The following STAMBPL1 variants were observed in gnomAD, a reference collection of about 807,000 sequenced individuals.
STAMBPL1 encodes AMSH-like protease.
Under a neutral mutation model 52.9 loss-of-function variants are expected in STAMBPL1, and 44 were observed. That is an observed-to-expected ratio of 0.83 (90% CI 0.65 to 1.07). The LOEUF (loss-of-function observed/expected upper bound fraction) is 1.07, where lower values mean the gene tolerates loss of function less well. Among genes scored for constraint, STAMBPL1 ranks in the 50% least tolerant of loss-of-function variants. STAMBPL1 has a pLI of 0.00. For synonymous variants in STAMBPL1, 164 were observed against 177.3 expected (o/e 0.92, Z 0.60); for missense variants, 511 against 520.8 (o/e 0.98, Z 0.18).
At chr10:88,911,113 A>G (rs978077891) in intron 5 of STAMBPL1, 102 bp downstream of exon 5, 1 of 754,514 alleles carries the variant, frequency 1.3e-6, no homozygotes, top group African/African-American at 1.9e-5. Flanking sequence ...TGTGCATTTA[A>G]ATTAAAAATT....
chr10:88,883,031 C>A (rs1844446540), intron 1 of STAMBPL1, among the ~76,000 whole-genome samples: 1 of 134,716 alleles, frequency 7.4e-6, no homozygotes, highest in Admixed American at 8.0e-5. Flanking sequence ...CACGACAGGC[C>A]CGAGTGTGTG....
At chr10:88,884,969 T>C (rs905072423) in intron 1 of STAMBPL1, among the ~76,000 whole-genome samples, 3 of 152,222 alleles carry the variant, frequency 2.0e-5, no homozygotes, top group African/African-American at 7.2e-5. Context: ...TAGCTGTAAA[T>C]GCAAAGTGGT....
intron 8 of STAMBPL1, 54 bp downstream of exon 8, chr10:88,916,871 C>T (rs1845385323): frequency 2.8e-6 from 4 of 1,407,330 alleles, no homozygotes; most frequent in Non-Finnish European, 3.7e-6. Context: ...ATGCTATTTT[C>T]CTCCTTGAAG....
At chr10:88,909,363 A>G (rs1845158254) in intron 4 of STAMBPL1, among the ~76,000 whole-genome samples, 1 of 152,168 alleles carries the variant, frequency 6.6e-6, no homozygotes, top group South Asian at 2.1e-4. Context: ...AGCTGTGAAT[A>G]TATTCTTTTA....
At chr10:88,910,603 C>A (rs891065531) in intron 4 of STAMBPL1, among the ~76,000 whole-genome samples, 1 of 152,230 alleles carries the variant, frequency 6.6e-6, no homozygotes, top group East Asian at 1.9e-4. Context: ...AAACTCACTG[C>A]CTAAAAATGG....
intron 1 of STAMBPL1, among the ~76,000 whole-genome samples, chr10:88,898,668 C>T (rs938867374): frequency 1.1e-4 from 17 of 152,102 alleles, no homozygotes; most frequent in Non-Finnish European, 1.6e-4. Context: ...ATTTAATAAA[C>T]TCTGATGTTT....
intron 1 of STAMBPL1, 55 bp from the exon 2 acceptor site, chr10:88,901,591 GGTTTGGGATT>G (rs1844944313): frequency 2.1e-6 from 2 of 931,850 alleles, no homozygotes; most frequent in Non-Finnish European, 3.3e-6. Flanking sequence ...ATAACCCTGG[GGTTTGGGATT>G]TCAAACTTGG....
chr10:88,884,290 A>T (rs1167511238), intron 1 of STAMBPL1, among the ~76,000 whole-genome samples: 8 of 152,236 alleles, frequency 5.3e-5, no homozygotes, highest in Non-Finnish European at 1.5e-5. Flanking sequence ...TTTGACAAGT[A>T]GGCTCTTAAG....
At chr10:88,903,509 G>T (rs12245122) in intron 2 of STAMBPL1, among the ~76,000 whole-genome samples, 6,841 of 152,232 alleles carry the variant, frequency 0.045, 521 homozygotes, top group African/African-American at 0.16. Flanking sequence ...AACTCAGTGT[G>T]GACTAAGTAG....
At position 88,913,388 on chromosome 10, in the gene STAMBPL1, C is replaced by G. The variant is rs1404983255; in HGVS notation, c.708C>G (p.Thr236=). ...FADQPNKSDA[T]NYASHSPPVN... is the part of the protein sequence containing the mutation. ...ATCAACCTAATAAAAGTGATGCAAC[C>G]AATTATGCTAGCCACTCTCCTCCTG... Residue 236 remains threonine (T), a synonymous_variant, in exon 6 of 11, where the codon ACC becomes ACG. Transcript: ENST00000371926. 6.2e-7 allele frequency: 1 copy of G among 1,613,744 alleles called. No individual in the cohort carries two copies. The highest frequency in any genetic ancestry group is 8.5e-7 in the Non-Finnish European group (1 of 1,179,822).
In STAMBPL1 at chr10:88,913,129, A is replaced by C; in HGVS notation, c.449A>C (p.Lys150Thr). 1 of 1,600,186 alleles carries C rather than the reference A, an allele frequency of 6.2e-7. No homozygotes were observed. Among genetic ancestry groups the C allele is most frequent in the Non-Finnish European group, 8.5e-7 (1 of 1,173,722 alleles). Residue 150 changes from lysine (K) to threonine (T), a missense_variant, in exon 6 of 11, where the codon AAA becomes ACA. This residue lies in a region of STAMBPL1 where 358 missense variants were observed against 343.5 expected (regional missense o/e 1.04). Coordinates refer to ENST00000371926, the MANE Select transcript of STAMBPL1 (RefSeq NM_020799.4). ...AAATATAAAGCTGAAATTCTCAAAA[A>C]ATTGGAGCATCAGAGATTGATAGAG... The part of the protein sequence containing the change: ...KNKYKAEILK[K>T]LEHQRLIEAE...
intron 1 of STAMBPL1, among the ~76,000 whole-genome samples, chr10:88,880,989 G>A (rs1297024338): frequency 6.6e-6 from 1 of 152,084 alleles, no homozygotes; most frequent in Non-Finnish European, 1.5e-5. Context: ...TCAGCCCTGG[G>A]TTGCAGCCTT....
At chr10:88,908,862 C>T in intron 4 of STAMBPL1, 85 bp downstream of exon 4, 7 of 1,127,828 alleles carry the variant, frequency 6.2e-6, no homozygotes, top group Non-Finnish European at 8.7e-6. Context: ...CCTCCCCTTT[C>T]TCTTTCTCTT....
chr10:88,908,564 G>A, intron 3 of STAMBPL1, 138 bp from the exon 4 acceptor site: 1 of 684,842 alleles, frequency 1.5e-6, no homozygotes, highest in South Asian at 1.8e-5. Flanking sequence ...TAGTGAAAAG[G>A]CAGATGGCAA....
At chr10:88,911,207 T>C (rs1230099261) in intron 5 of STAMBPL1, among the ~76,000 whole-genome samples, 196 bp downstream of exon 5, 1 of 152,236 alleles carries the variant, frequency 6.6e-6, no homozygotes, top group African/African-American at 2.4e-5. Context: ...GTATTTCTAT[T>C]TCCCTACAAT....
At chr10:88,898,796 C>T (rs969046893) in intron 1 of STAMBPL1, among the ~76,000 whole-genome samples, 1 of 152,236 alleles carries the variant, frequency 6.6e-6, no homozygotes, top group Non-Finnish European at 1.5e-5. Flanking sequence ...CACCTTTCCT[C>T]TCTTGGCATA....
intron 1 of STAMBPL1, chr10:88,893,998 C>G (rs1844749542): frequency 6.6e-6 from 1 of 152,024 alleles, no homozygotes; most frequent in African/African-American, 2.4e-5. Flanking sequence ...CTGTCATTTG[C>G]TTGAATTACT....
intron 1 of STAMBPL1, among the ~76,000 whole-genome samples, 169 bp downstream of exon 1, chr10:88,880,807 C>G (rs550818133): frequency 6.6e-6 from 1 of 152,344 alleles, no homozygotes; most frequent in South Asian, 2.1e-4. Context: ...CTGATCGCTT[C>G]CTTCCTGCCA....
intron 1 of STAMBPL1, chr10:88,882,850 T>C (rs957954680): frequency 6.6e-6 from 1 of 152,140 alleles, no homozygotes; most frequent in Non-Finnish European, 1.5e-5. Flanking sequence ...AAATGACAAA[T>C]TTTAGAATGT....
Sources: gnomAD v4.1 joint callset for allele counts (sites outside exome capture counted in the v4.1 genomes callset) on GRCh38, gnomAD v4.1.1 for gene constraint, gnomAD v4.1.1 regional missense constraint, MANE v1.5 for transcripts, NCBI Gene and HGNC (gene_info 2026-07-23, HGNC 2026-07-21) for gene names.